SLC8A2: variants seen among roughly 807,000 people sequenced by gnomAD.
SLC8A2 encodes the protein solute carrier family 8 member A2, also known as sodium/calcium exchanger 2.
A neutral mutation model predicts 70.2 loss-of-function variants in SLC8A2; 14 were observed. The observed-to-expected ratio is 0.20, with a 90% CI of 0.13 to 0.31. The LOEUF (loss-of-function observed/expected upper bound fraction) is 0.31. Ranked by LOEUF, SLC8A2 falls within the 10% of genes least tolerant of loss-of-function variation. SLC8A2 has a pLI of 1.00. For synonymous variants in SLC8A2, 575 were observed against 594.3 expected (o/e 0.97, Z 0.47); for missense variants, 779 against 1,320.1 (o/e 0.59, Z 6.35).
In SLC8A2 at chr19:47,448,120, G is replaced by A. The variant is rs1343468804; in HGVS notation, c.1452C>T (p.Asn484=). ...EDEHFFVRLL[N]LRVGDAQGMF... ...TGCCCTGCGCGTCGCCCACGCGCAG[G>A]TTCAGCAGCCGCACGAAGAAATGCT... is the stretch of plus-strand genomic sequence containing the variant. The change falls in exon 4 of 10, where the codon AAC becomes AAT. Residue 484 remains asparagine (N), a synonymous_variant. Coordinates refer to ENST00000236877, the MANE Select transcript of SLC8A2 (RefSeq NM_015063.3). This position sits in a 1 kb window ranked among gnomAD's most constrained non-coding sequence, Gnocchi z 4.8. The A allele has an allele frequency of 1.2e-6, 2 of 1,612,014 alleles. No individual in the cohort carries two copies. Among genetic ancestry groups the A allele is most frequent in the Admixed American group, 3.3e-5 (2 of 59,892 alleles).
chr19:47,463,796 T>G (rs1967426041), intron 2 of SLC8A2, among the ~76,000 whole-genome samples: 1 of 152,178 alleles, frequency 6.6e-6, no homozygotes, highest in South Asian at 2.1e-4. Flanking sequence ...TAGCTAACAT[T>G]TACTCTGTTT....
At chr19:47,461,965 TG>T (rs1967400646) in intron 2 of SLC8A2, among the ~76,000 whole-genome samples, 1 of 152,216 alleles carries the variant, frequency 6.6e-6, no homozygotes, top group Non-Finnish European at 1.5e-5. Flanking sequence ...GGGGTATTTA[TG>T]GGCTGCCATC....
intron 1 of SLC8A2, among the ~76,000 whole-genome samples, chr19:47,471,257 C>T (rs1967535347): frequency 6.6e-6 from 1 of 151,414 alleles, no homozygotes; most frequent in Non-Finnish European, 1.5e-5. Flanking sequence ...CACAGAGACA[C>T]AGAGAAACAG....
chr19:47,465,650 A>T lies in SLC8A2; in HGVS notation c.675+79T>A. The T allele has an allele frequency of 8.1e-7, 1 of 1,240,748 alleles. No homozygotes were observed. The highest frequency in any genetic ancestry group is 1.5e-5 in the South Asian group (1 of 66,310). 76.9% of individuals were successfully genotyped at this position (1,240,748 alleles called of 1,614,324 possible). A position where few individuals can be genotyped will look rare whatever the true frequency, so the allele number is the denominator to read the frequency against. The stretch of plus-strand genomic sequence containing the variant: ...GTGCATTTCTGCAAATACAGCAATC[A>T]ACACTCCAAGCCAAGAGCACCTCTC... On this transcript the variant is annotated intron_variant, in intron 2 of 9. Coordinates refer to ENST00000236877, the MANE Select transcript of SLC8A2 (RefSeq NM_015063.3). The surrounding 1 kb of genome is among the most constrained non-coding windows in gnomAD (Gnocchi z 5.5).
intron 4 of SLC8A2, among the ~76,000 whole-genome samples, chr19:47,443,608 CCCACCACA>C (rs1279803637): frequency 6.6e-6 from 1 of 152,238 alleles, no homozygotes; most frequent in Non-Finnish European, 1.5e-5. Flanking sequence ...GCACGACTCC[CCCACCACA>C]GCCTTGGCGA....
intron 1 of SLC8A2, among the ~76,000 whole-genome samples, chr19:47,471,582 G>A (rs1365197694): frequency 6.6e-6 from 1 of 152,030 alleles, no homozygotes; most frequent in African/African-American, 2.4e-5. Context: ...CCAGCCGCCC[G>A]AGAACCAGGA....
chr19:47,448,339 G>A lies in SLC8A2; in HGVS notation c.1341-108C>T, dbSNP rs988461990. 3.4e-5 allele frequency: 27 copies of A among 786,928 alleles called. No homozygotes were observed. Among genetic ancestry groups the A allele is most frequent in the Non-Finnish European group, 4.6e-5 (23 of 498,486 alleles). 48.7% of individuals were successfully genotyped at this position (786,928 alleles called of 1,614,324 possible). A position where few individuals can be genotyped will look rare whatever the true frequency, so the allele number is the denominator to read the frequency against. ...TCCCAGAGGAGACGTAGGTGCCATAGAAGAACTCCCAAGTATGAGGGTCGA... is the reference window on the plus strand; with the variant it reads ...TCCCAGAGGAGACGTAGGTGCCATAAAAGAACTCCCAAGTATGAGGGTCGA... On this transcript the variant is annotated intron_variant, in intron 3 of 9. Coordinates refer to ENST00000236877, the MANE Select transcript of SLC8A2 (RefSeq NM_015063.3). The surrounding 1 kb of genome is among the most constrained non-coding windows in gnomAD (Gnocchi z 4.8).
chr19:47,451,910 A>C (rs1967239254), intron 3 of SLC8A2, among the ~76,000 whole-genome samples: 3 of 152,240 alleles, frequency 2.0e-5, no homozygotes, highest in African/African-American at 7.2e-5. Context: ...GAAGGAGACT[A>C]AAGAGATTTG....
At chr19:47,451,936 G>T (rs1967239707) in intron 3 of SLC8A2, among the ~76,000 whole-genome samples, 1 of 152,176 alleles carries the variant, frequency 6.6e-6, no homozygotes, top group South Asian at 2.1e-4. Context: ...GAAATGCAAT[G>T]TGTGGTTCTG....
At chr19:47,456,903 G>T (rs1274173875) in intron 3 of SLC8A2, 27 bp downstream of exon 3, 1 of 1,558,172 alleles carries the variant, frequency 6.4e-7, no homozygotes, top group East Asian at 2.3e-5. Context: ...CCAGCCCCCT[G>T]CACACCCCCC....
chr19:47,471,306 TAGAGAC>T (rs1967535988), intron 1 of SLC8A2, among the ~76,000 whole-genome samples: 1 of 150,084 alleles, frequency 6.7e-6, no homozygotes, highest in African/African-American at 2.5e-5. Context: ...ACCCAGGACT[TAGAGAC>T]AGAGCCCCAG....
chr19:47,428,413 G>C lies in SLC8A2; in HGVS notation c.*1676C>G. The C allele has an allele frequency of 6.6e-6, 1 of 150,386 alleles. No homozygotes were observed. The allele number at this position is 150,386 out of a possible 1,614,324, so 9.3% of individuals were successfully genotyped here. ...TGTGGAAGCCCATGACTGATGGATG[G>C]GGGTGTGGCTAGTGGAAGAGCTAGG... On this transcript the variant is annotated 3_prime_UTR_variant, in exon 10 of 10. Transcript: ENST00000236877.
chr19:47,442,870 A>T (rs1967115646), intron 4 of SLC8A2, among the ~76,000 whole-genome samples: 1 of 151,990 alleles, frequency 6.6e-6, no homozygotes. Context: ...TTTTGTAGAG[A>T]TGGGGTCTCA....
intron 1 of SLC8A2, among the ~76,000 whole-genome samples, chr19:47,469,119 C>T (rs73940853): frequency 0.034 from 4,837 of 143,180 alleles, 226 homozygotes; most frequent in African/African-American, 0.12. Flanking sequence ...TGCCTGTGTG[C>T]GTGTGTGTGT....
intron 1 of SLC8A2, among the ~76,000 whole-genome samples, chr19:47,470,348 TACACACACAC>T (rs71180846): frequency 3.4e-4 from 48 of 139,410 alleles, no homozygotes; most frequent in Non-Finnish European, 5.5e-4. Flanking sequence ...GGAGACATCA[TACACACACAC>T]ACACACACAC....
intron 8 of SLC8A2, among the ~76,000 whole-genome samples, chr19:47,434,989 A>G (rs955740586): frequency 6.6e-6 from 1 of 152,196 alleles, no homozygotes. Flanking sequence ...TGGGCAGATC[A>G]CTTGAGGTCA....
chr19:47,447,215 G>T lies in SLC8A2; in HGVS notation c.1763+594C>A, dbSNP rs1233510659. On this transcript the variant is annotated intron_variant, in intron 4 of 9. Coordinates refer to ENST00000236877, the MANE Select transcript of SLC8A2 (RefSeq NM_015063.3). This position sits in a 1 kb window ranked among gnomAD's most constrained non-coding sequence, Gnocchi z 5.1. ...ATCCATTTTCCCATTTCCTGATGTC[G>T]TATGTCCAAACCCAGACCCCACCTA... Among the ~76,000 whole-genome samples, 4 of 150,560 alleles carry T rather than the reference G, an allele frequency of 2.7e-5. No homozygotes were observed. The East Asian group carries it at 5.9e-4, about 22-fold the overall frequency.
In SLC8A2 at chr19:47,465,479, A is replaced by T. The variant is rs1408371766; in HGVS notation, c.675+250T>A. Among the ~76,000 whole-genome samples, 1 of 152,196 alleles carries T rather than the reference A, an allele frequency of 6.6e-6. No homozygotes were observed. Among genetic ancestry groups the T allele is most frequent in the Non-Finnish European group, 1.5e-5 (1 of 68,038 alleles). On this transcript the variant is annotated intron_variant, in intron 2 of 9. Coordinates refer to ENST00000236877, the MANE Select transcript of SLC8A2 (RefSeq NM_015063.3). The surrounding 1 kb of genome is among the most constrained non-coding windows in gnomAD (Gnocchi z 5.5). ...ACAGTGCGTCCCTCTGGACAAATAA[A>T]TGTTTGCTGCACCCTCCAGAGATAT...
chr19:47,447,539 A>G lies in SLC8A2; in HGVS notation c.1763+270T>C. ...GCACACCTAGGCCCCGCCCCTCCCGAGGCCAAGCCCACTTTGGAGAACGAT... is the reference window on the plus strand; with the variant it reads ...GCACACCTAGGCCCCGCCCCTCCCGGGGCCAAGCCCACTTTGGAGAACGAT... On this transcript the variant is annotated intron_variant, in intron 4 of 9. Coordinates refer to ENST00000236877, the MANE Select transcript of SLC8A2 (RefSeq NM_015063.3). The surrounding 1 kb of genome is among the most constrained non-coding windows in gnomAD (Gnocchi z 5.1). The G allele has an allele frequency of 2.3e-6, 1 of 441,760 alleles. No individual in the cohort carries two copies. The highest frequency in any genetic ancestry group is 4.0e-6 in the Non-Finnish European group (1 of 249,100). 27.4% of individuals were successfully genotyped at this position (441,760 alleles called of 1,614,324 possible). A position where few individuals can be genotyped will look rare whatever the true frequency, so the allele number is the denominator to read the frequency against.
Sources: allele counts gnomAD v4.1 joint callset (sites outside exome capture counted in the v4.1 genomes callset), GRCh38; gene constraint gnomAD v4.1.1; non-coding constraint Gnocchi (gnomAD v3.1); transcripts MANE v1.5; gene names NCBI Gene and HGNC (gene_info 2026-07-23, HGNC 2026-07-21).